Variants in TMEM41B observed in about 807,000 individuals in gnomAD.
TMEM41B encodes protein stasimon.
TMEM41B carries 18 observed loss-of-function variants against 31.9 expected under a neutral mutation model. The ratio of observed to expected loss-of-function variants is 0.56; its 90% CI spans 0.39 to 0.84. The LOEUF (loss-of-function observed/expected upper bound fraction) is 0.84, where lower values mean the gene tolerates loss of function less well. Among genes scored for constraint, TMEM41B ranks in the 40% least tolerant of loss-of-function variants. The pLI is 0.00. For missense variants in TMEM41B, 322 were observed against 348.0 expected (o/e 0.93, Z 0.59); for synonymous variants, 144 against 124.3 (o/e 1.16, Z -1.05).
intron 1 of TMEM41B, 95 bp downstream of exon 1, chr11:9,314,226 C>T: frequency 7.1e-7 from 1 of 1,412,480 alleles, no homozygotes; most frequent in Non-Finnish European, 9.3e-7. Context: ...CCCCCTCTTT[C>T]CCCGCGACTC....
intron 1 of TMEM41B, 76 bp downstream of exon 1, chr11:9,314,245 T>TAG: frequency 6.8e-7 from 1 of 1,475,062 alleles, no homozygotes; most frequent in Non-Finnish European, 9.0e-7. Context: ...TCTCCGAGAA[T>TAG]AGCGGGGGTC....
Position 9,311,500 on chromosome 11 carries a change from G to GC in TMEM41B, c.121+2820dup, listed in dbSNP as rs1853560302. The GC allele has an allele frequency of 2.8e-6, 4 of 1,413,214 alleles. No homozygotes were observed. In the Admixed American group the frequency reaches 7.2e-5, roughly 26 times the overall value. The allele number at this position is 1,413,214 out of a possible 1,614,324, so 87.5% of individuals were successfully genotyped here. ...TGGCATCCTGGATACCCTGGCTGTG[G>GC]CACAGGATGAGGGGGCCAACCTGGG... is the stretch of plus-strand genomic sequence containing the variant. On this transcript the variant is annotated intron_variant, in intron 1 of 6. Transcript: ENST00000528080.
chr11:9,298,780 A>G lies in TMEM41B; in HGVS notation c.239+804T>C, dbSNP rs866219532. Among the ~76,000 whole-genome samples the G allele has an allele frequency of 8.6e-5, 13 of 151,880 alleles. No homozygotes were observed. In the South Asian group the frequency reaches 1.2e-3, roughly 15 times the overall value. On this transcript the variant is annotated intron_variant, in intron 2 of 6. Coordinates refer to ENST00000528080, the MANE Select transcript of TMEM41B (RefSeq NM_015012.4). Reference sequence around the variant, plus strand: ...GTGAAACTATCTCAAATGAAGAAAAAAAAAAAAAAATTGTGAAGGAAGGCA... The same window carrying G: ...GTGAAACTATCTCAAATGAAGAAAAGAAAAAAAAAATTGTGAAGGAAGGCA...
intron 1 of TMEM41B, among the ~76,000 whole-genome samples, chr11:9,310,595 A>T (rs896951883): frequency 2.0e-5 from 3 of 151,426 alleles, no homozygotes; most frequent in Non-Finnish European, 2.9e-5. Flanking sequence ...CGGGGCAAAC[A>T]CCACCAAAAA....
chr11:9,299,716 A>T lies in TMEM41B; in HGVS notation c.122-15T>A. On this transcript the variant is annotated splice_polypyrimidine_tract_variant and intron_variant, in intron 1 of 6. Transcript: ENST00000528080. Reference sequence around the variant, plus strand: ...CCAGGATTTTTCTGGAAGAAAAAAGAAAGTATAATTAAGATAAATATAAAG... The same window carrying T: ...CCAGGATTTTTCTGGAAGAAAAAAGTAAGTATAATTAAGATAAATATAAAG... 2.0e-6 allele frequency: 3 copies of T among 1,520,208 alleles called. No individual in the cohort carries two copies. Among genetic ancestry groups the T allele is most frequent in the Non-Finnish European group, 1.8e-6 (2 of 1,103,382 alleles). The allele number at this position is 1,520,208 out of a possible 1,614,324, so 94.2% of individuals were successfully genotyped here.
At chr11:9,297,105 G>A (rs934126930) in intron 2 of TMEM41B, among the ~76,000 whole-genome samples, 2 of 152,114 alleles carry the variant, frequency 1.3e-5, no homozygotes, top group African/African-American at 4.8e-5. Context: ...GTTTTTTTTA[G>A]ATAGAGTCCT....
At chr11:9,311,616 T>A in intron 1 of TMEM41B, 1 of 967,730 alleles carries the variant, frequency 1.0e-6, no homozygotes, top group Admixed American at 2.3e-5. Flanking sequence ...GTGGGCAGGA[T>A]TGGAACCTCC....
intron 6 of TMEM41B, 125 bp downstream of exon 6, chr11:9,286,330 T>C (rs1261744252): frequency 2.0e-6 from 2 of 978,354 alleles, no homozygotes; most frequent in Admixed American, 2.7e-5. Context: ...AGCCAGGCTT[T>C]GTGCCCAAGA....
chr11:9,285,154 G>A (rs975097440), intron 6 of TMEM41B, among the ~76,000 whole-genome samples: 4 of 142,612 alleles, frequency 2.8e-5, no homozygotes, highest in Non-Finnish European at 6.0e-5. Flanking sequence ...GCACAATCTC[G>A]GTTCACTGCA....
intron 3 of TMEM41B, among the ~76,000 whole-genome samples, chr11:9,288,962 GAAAAT>G (rs985962494): frequency 1.3e-5 from 2 of 152,096 alleles, no homozygotes; most frequent in African/African-American, 4.8e-5. Flanking sequence ...GAGAATAAAA[GAAAAT>G]AAGAAAAATA....
At chr11:9,298,003 G>A (rs1004416283) in intron 2 of TMEM41B, among the ~76,000 whole-genome samples, 7 of 146,242 alleles carry the variant, frequency 4.8e-5, no homozygotes, top group South Asian at 4.3e-4. Flanking sequence ...GGTTGAGGCT[G>A]CAGTGAGCCA....
intron 1 of TMEM41B, among the ~76,000 whole-genome samples, chr11:9,305,045 G>A (rs1308640664): frequency 2.6e-5 from 4 of 152,110 alleles, no homozygotes; most frequent in Admixed American, 2.6e-4. Context: ...TCCTGCCTCA[G>A]CCTCCCAAAG....
chr11:9,295,390 G>A lies in TMEM41B; in HGVS notation c.240-3C>T, dbSNP rs4601780. 0.99 allele frequency: 1,537,968 copies of A among 1,553,588 alleles called. 762,382 individuals are homozygous for A. Among genetic ancestry groups the A allele is most frequent in the East Asian group, 1 (43,961 of 43,962 alleles). On this transcript the variant is annotated splice_region_variant and splice_polypyrimidine_tract_variant and intron_variant, in intron 2 of 6. Coordinates refer to ENST00000528080, the MANE Select transcript of TMEM41B (RefSeq NM_015012.4). ...CCTTCATATTCACTCTTTCTTCTCT[G>A]AAGAAATAAAGTGAAAAATTTTAGA... is the stretch of plus-strand genomic sequence containing the variant.
At chr11:9,297,377 GC>G (rs1250996849) in intron 2 of TMEM41B, among the ~76,000 whole-genome samples, 1 of 152,160 alleles carries the variant, frequency 6.6e-6, no homozygotes, top group Non-Finnish European at 1.5e-5. Flanking sequence ...GAGCCACCGC[GC>G]CAGGCCGCTC....
intron 1 of TMEM41B, chr11:9,311,579 G>T: frequency 9.3e-7 from 1 of 1,069,554 alleles, no homozygotes; most frequent in Non-Finnish European, 1.4e-6. Flanking sequence ...AGGGGCCTGG[G>T]GGAAAGGGTG....
chr11:9,302,301 C>T lies in TMEM41B; in HGVS notation c.122-2600G>A, dbSNP rs1853283484. On this transcript the variant is annotated intron_variant, in intron 1 of 6. Coordinates refer to ENST00000528080, the MANE Select transcript of TMEM41B (RefSeq NM_015012.4). ...GGGATTACAGGCGTGAGCCATAGCGCCCGGCATTATTTTTCTCTTGTTTTA... is the reference window on the plus strand; with the variant it reads ...GGGATTACAGGCGTGAGCCATAGCGTCCGGCATTATTTTTCTCTTGTTTTA... 3.0e-5 allele frequency among the ~76,000 whole-genome samples: 3 copies of T among 100,488 alleles called. 1 individual carries two copies. The highest frequency in any genetic ancestry group is 7.7e-5 in the African/African-American group (2 of 26,040). 65.9% of individuals were successfully genotyped at this position (100,488 alleles called of 152,430 possible).
Position 9,314,349 on chromosome 11 carries a change from C to T in TMEM41B, c.93G>A (p.Ala31=), listed in dbSNP as rs1321112386. Residue 31 remains alanine, a synonymous_variant, in exon 1 of 7, where the codon GCG becomes GCA. Coordinates refer to ENST00000528080, the MANE Select transcript of TMEM41B (RefSeq NM_015012.4). ...GDGAAGTRGL[A]APGSRDHQKE... ...TCTGGTGGTCTCTGCTGCCAGGCGCCGCGAGACCCCGCGTCCCCGCTGCCC... is the reference window on the plus strand; with the variant it reads ...TCTGGTGGTCTCTGCTGCCAGGCGCTGCGAGACCCCGCGTCCCCGCTGCCC... 2 of 1,592,004 alleles carry T rather than the reference C, an allele frequency of 1.3e-6. No homozygotes were observed. Among genetic ancestry groups the T allele is most frequent in the Non-Finnish European group, 1.7e-6 (2 of 1,171,598 alleles).
At chr11:9,298,952 G>A (rs1001255182) in intron 2 of TMEM41B, among the ~76,000 whole-genome samples, 2 of 151,838 alleles carry the variant, frequency 1.3e-5, no homozygotes, top group Non-Finnish European at 2.9e-5. Flanking sequence ...GGTATTACTA[G>A]GGTTTAATAG....
At chr11:9,283,780 GATA>G (rs527489225) in intron 6 of TMEM41B, among the ~76,000 whole-genome samples, 187 bp from the exon 7 acceptor site, 3 of 149,932 alleles carry the variant, frequency 2.0e-5, no homozygotes, top group East Asian at 1.9e-4. Context: ...ACCTCTTAAG[GATA>G]ATGATTTTTT....
Sources: allele counts gnomAD v4.1 joint callset (sites outside exome capture counted in the v4.1 genomes callset), GRCh38; gene constraint gnomAD v4.1.1; transcripts MANE v1.5; gene names NCBI Gene and HGNC (gene_info 2026-07-23, HGNC 2026-07-21).